The following PDE2A variants were observed in gnomAD, a reference collection of about 807,000 sequenced individuals.
PDE2A encodes the protein phosphodiesterase 2A.
Under a neutral mutation model 133.6 loss-of-function variants are expected in PDE2A, and 53 were observed. The observed-to-expected ratio is 0.40, with a 90% CI of 0.32 to 0.50. The LOEUF is 0.50. Among genes scored for constraint, PDE2A ranks in the 20% least tolerant of loss-of-function variants. PDE2A has a pLI of 0.73. For missense variants in PDE2A, 796 were observed against 1,232.4 expected (o/e 0.65, Z 5.30); for synonymous variants, 491 against 490.2 (o/e 1.00, Z -0.02).
chr11:72,639,161 G>A (rs777638853), intron 2 of PDE2A, among the ~76,000 whole-genome samples: 2 of 152,218 alleles, frequency 1.3e-5, no homozygotes, highest in Non-Finnish European at 1.5e-5. Flanking sequence ...TCTCTGGAAG[G>A]TATGACCTCG....
intron 2 of PDE2A, among the ~76,000 whole-genome samples, chr11:72,641,288 G>C (rs991995509): frequency 6.6e-6 from 1 of 152,188 alleles, no homozygotes. Context: ...TCCACATTTA[G>C]GCCCTTCCAC....
rs149850802 is a variant in PDE2A, at chr11:72,673,857, T to A, written c.71+280A>T. On this transcript the variant is annotated intron_variant, in intron 1 of 30. Coordinates refer to ENST00000334456, the MANE Select transcript of PDE2A (RefSeq NM_002599.5). ...CAGCCCTTGAAGAACCGGTTCAGGT[T>A]CATTATCAGCCCCTCCTCCAACCAG... Among the ~76,000 whole-genome samples the A allele has an allele frequency of 4.5e-3, 688 of 152,056 alleles. 13 individuals carry two copies. The highest frequency in any genetic ancestry group is 0.024 in the East Asian group (126 of 5,146).
chr11:72,589,588 G>A (rs921531497), intron 11 of PDE2A, among the ~76,000 whole-genome samples, 163 bp downstream of exon 11: 3 of 152,220 alleles, frequency 2.0e-5, no homozygotes, highest in Non-Finnish European at 4.4e-5. Flanking sequence ...GCTGATCACA[G>A]GTTGTGATCC....
chr11:72,651,729 T>C (rs759276771), intron 1 of PDE2A, among the ~76,000 whole-genome samples: 23 of 152,238 alleles, frequency 1.5e-4, no homozygotes, highest in Non-Finnish European at 2.2e-4. Flanking sequence ...GGCCTCAGCA[T>C]CCTCTGGCAG....
At chr11:72,637,477 G>C (rs1858753138) in intron 2 of PDE2A, among the ~76,000 whole-genome samples, 1 of 152,252 alleles carries the variant, frequency 6.6e-6, no homozygotes, top group Non-Finnish European at 1.5e-5. Context: ...GTACACATGT[G>C]TGACTCAGAC....
At chr11:72,586,043 G>T in intron 14 of PDE2A, 27 bp downstream of exon 14, 1 of 1,350,248 alleles carries the variant, frequency 7.4e-7, no homozygotes, top group East Asian at 2.4e-5. Context: ...GTCGGTGCCC[G>T]AGAGAGGCTG....
At chr11:72,668,177 A>T in intron 1 of PDE2A, 1 of 708,652 alleles carries the variant, frequency 1.4e-6, no homozygotes, top group Non-Finnish European at 2.6e-6. Flanking sequence ...GATGTCTCAC[A>T]TCCAACTTTA....
intron 2 of PDE2A, among the ~76,000 whole-genome samples, chr11:72,641,117 A>G (rs1337294138): frequency 6.6e-6 from 1 of 152,178 alleles, no homozygotes; most frequent in African/African-American, 2.4e-5. Flanking sequence ...CCGCAGGTTG[A>G]CACCAGATTG....
chr11:72,654,136 C>T (rs1854827434), intron 1 of PDE2A, among the ~76,000 whole-genome samples: 1 of 152,218 alleles, frequency 6.6e-6, no homozygotes, highest in South Asian at 2.1e-4. Flanking sequence ...TTACTTCCCT[C>T]TTTCCCAATA....
chr11:72,588,761 T>G (rs1475143278), intron 13 of PDE2A, 23 bp downstream of exon 13: 1 of 1,576,306 alleles, frequency 6.3e-7, no homozygotes, highest in East Asian at 2.3e-5. Flanking sequence ...TCTCCTGATC[T>G]GCATCATCCC....
chr11:72,585,334 G>C (rs201653914), intron 16 of PDE2A, 37 bp downstream of exon 16: 2 of 1,576,228 alleles, frequency 1.3e-6, no homozygotes, highest in East Asian at 4.5e-5. Flanking sequence ...GAAGGCCACA[G>C]CCTCTCTCGC....
At chr11:72,591,927 C>T (rs1856270723) in intron 6 of PDE2A, among the ~76,000 whole-genome samples, 1 of 152,174 alleles carries the variant, frequency 6.6e-6, no homozygotes, top group Admixed American at 6.5e-5. Flanking sequence ...CAAGCCATGG[C>T]CAGAAAAGTG....
intron 7 of PDE2A, chr11:72,591,010 C>T: frequency 4.5e-6 from 2 of 442,756 alleles, no homozygotes; most frequent in Non-Finnish European, 8.1e-6. Flanking sequence ...CCCATAAATC[C>T]ATCAAAAAGT....
At chr11:72,653,346 A>G (rs1854799690) in intron 1 of PDE2A, among the ~76,000 whole-genome samples, 1 of 152,226 alleles carries the variant, frequency 6.6e-6, no homozygotes. Flanking sequence ...AGTGAAAGGC[A>G]GAGACACCAT....
chr11:72,577,867 G>A (rs1855536802), intron 30 of PDE2A, among the ~76,000 whole-genome samples: 2 of 152,216 alleles, frequency 1.3e-5, no homozygotes, highest in South Asian at 4.1e-4. Flanking sequence ...AGCTACTTGG[G>A]AGGCTGAGGC....
rs902649265 is a variant in PDE2A at position 72,587,432 on chromosome 11, A to G, written c.1071-1251T>C. On this transcript the variant is annotated intron_variant, in intron 13 of 30. Transcript: ENST00000334456. The stretch of plus-strand genomic sequence containing the variant: ...AGTCATTCAACACTCACTCCCTGAA[A>G]TGCGTGGGACACAGAGATAGCCCTG... 2.0e-5 allele frequency among the ~76,000 whole-genome samples: 3 copies of G among 152,172 alleles called. No homozygotes were observed. The East Asian group carries it at 5.8e-4, about 29-fold the overall frequency.
intron 6 of PDE2A, among the ~76,000 whole-genome samples, chr11:72,593,741 G>A (rs1311057447): frequency 6.6e-6 from 1 of 152,172 alleles, no homozygotes; most frequent in Non-Finnish European, 1.5e-5. Flanking sequence ...GCAGTGAGCT[G>A]TAAAGGCCCA....
chr11:72,665,120 AGACAACTCC>A (rs1240047383), intron 1 of PDE2A, among the ~76,000 whole-genome samples: 1 of 152,082 alleles, frequency 6.6e-6, no homozygotes, highest in Non-Finnish European at 1.5e-5. Context: ...GAGAGTTTTA[AGACAACTCC>A]GAATTACCTG....
chr11:72,590,624 G>C lies in PDE2A; in HGVS notation c.550-44C>G, dbSNP rs927184732. On this transcript the variant is annotated intron_variant, in intron 7 of 30. Coordinates refer to ENST00000334456, the MANE Select transcript of PDE2A (RefSeq NM_002599.5). This position sits in a 1 kb window ranked among gnomAD's most constrained non-coding sequence, Gnocchi z 4.8. ...TTAGCGCGCCGCTCGCCCCAAGCTCGCTGCGCTTGCTGCAGCGGGATTCCT... is the reference window on the plus strand; with the variant it reads ...TTAGCGCGCCGCTCGCCCCAAGCTCCCTGCGCTTGCTGCAGCGGGATTCCT... 15 of 1,330,128 alleles carry C rather than the reference G, an allele frequency of 1.1e-5. No homozygotes were observed. Among genetic ancestry groups the C allele is most frequent in the African/African-American group, 3.1e-5 (2 of 64,742 alleles). The allele number at this position is 1,330,128 out of a possible 1,614,324, so 82.4% of individuals were successfully genotyped here.
Sources: gnomAD v4.1 joint callset for allele counts (sites outside exome capture counted in the v4.1 genomes callset) on GRCh38, gnomAD v4.1.1 for gene constraint, Gnocchi (gnomAD v3.1) non-coding constraint, MANE v1.5 for transcripts, NCBI Gene and HGNC (gene_info 2026-07-23, HGNC 2026-07-21) for gene names.